The following POLR1A variants were observed in gnomAD, a reference collection of about 807,000 sequenced individuals.
The protein encoded by POLR1A is DNA-directed RNA polymerase I subunit RPA1.
POLR1A carries 84 observed loss-of-function variants against 205.3 expected under a neutral mutation model. The observed-to-expected ratio is 0.41, with a 90% CI of 0.34 to 0.49. POLR1A has a LOEUF of 0.49. POLR1A is among the 20% of genes least tolerant of loss of function. The probability of loss-of-function intolerance (pLI) is 0.22; values close to 1 mark genes in which losing one functional copy is unlikely to be tolerated. For missense variants in POLR1A, 1,645 were observed against 2,204.5 expected, an observed-to-expected ratio of 0.75 and a Z score of 5.08; for synonymous variants, 799 against 863.7, an observed-to-expected ratio of 0.93 and a Z score of 1.31.
chr2:86,034,048 C>T (rs1294966415), intron 27 of POLR1A, among the ~76,000 whole-genome samples: 1 of 152,206 alleles, frequency 6.6e-6, no homozygotes, highest in Non-Finnish European at 1.5e-5. Context: ...GGACAGGCAG[C>T]TTCCTCAGCT....
At chr2:86,090,309 C>T (rs1038025844) in intron 3 of POLR1A, among the ~76,000 whole-genome samples, 3 of 147,338 alleles carry the variant, frequency 2.0e-5, no homozygotes, top group Non-Finnish European at 4.5e-5. Context: ...GTGAGGAGAT[C>T]GCTGGGAGGG....
intron 27 of POLR1A, among the ~76,000 whole-genome samples, chr2:86,035,698 G>A (rs558079156): frequency 2.6e-5 from 4 of 152,288 alleles, no homozygotes; most frequent in Admixed American, 1.3e-4. Context: ...TTGCTTGAGC[G>A]GCTCACTCTG....
rs1558777042 is a variant in POLR1A, at chr2:86,071,227, C to CGTGTGCGCGCGCGCGT, written c.1612-956_1612-955insACGCGCGCGCGCACAC. ...CCCAGCTTCTCTCTCTCTCCGTGTG[C>CGTGTGCGCGCGCGCGT]ATGTGTGTGTGTGTGTGTGTGTGTG... On this transcript the variant is annotated intron_variant, in intron 12 of 33. Transcript: ENST00000263857. Among the ~76,000 whole-genome samples, 15 of 147,356 alleles carry CGTGTGCGCGCGCGCGT rather than the reference C, an allele frequency of 1.0e-4. No individual in the cohort carries two copies. In the East Asian group the frequency reaches 2.5e-3, roughly 24 times the overall value.
In POLR1A at chr2:86,065,506, A is replaced by C. The variant is rs1404223629; in HGVS notation, c.1867-41T>G. 7 of 1,570,294 alleles carry C rather than the reference A, an allele frequency of 4.5e-6. No individual in the cohort carries two copies. The South Asian group carries it at 8.0e-5, about 18-fold the overall frequency. ...GACAACACAAGAAGAATGAAAATAAATCTTAAGTCAAACTCTAATCCCTAA... is the reference window on the plus strand; with the variant it reads ...GACAACACAAGAAGAATGAAAATAACTCTTAAGTCAAACTCTAATCCCTAA... On this transcript the variant is annotated intron_variant, in intron 13 of 33. Transcript: ENST00000263857.
chr2:86,049,220 C>A lies in POLR1A; in HGVS notation c.2415G>T (p.Lys805Asn). Residue 805 changes from lysine to asparagine, a missense_variant, in exon 17 of 34, where the codon AAG (lysine) becomes AAT (asparagine). By Grantham distance (94) the Lys-to-Asn change is moderately conservative. Around this residue, in one of 16 missense-constraint regions of POLR1A, gnomAD observed 339 missense variants for 415.1 expected, o/e 0.82. Coordinates refer to ENST00000263857, the MANE Select transcript of POLR1A (RefSeq NM_015425.6). ...GTTGCCTCTTGACATCTGCCTTTGG[C>A]TTCACCAAAATGTCTTCCACGCCTG... Reference protein sequence around the residue: ...FTLGVEDILVKPKADVKRQRI... With the variant: ...FTLGVEDILVNPKADVKRQRI... 1 of 1,613,966 alleles carries A rather than the reference C, an allele frequency of 6.2e-7. No individual in the cohort carries two copies.
In POLR1A at chr2:86,049,153, TC is replaced by T. The variant is rs749675467; in HGVS notation, c.2475+6del. On this transcript the variant is annotated splice_donor_region_variant and intron_variant, in intron 17 of 33. Transcript: ENST00000263857. Reference sequence around the variant, plus strand: ...GGGCAGGCCACGGCCTCGAAGTCCCTCCTTACCTGGGGCCCGCAGTGGGTGG... The same window carrying T: ...GGGCAGGCCACGGCCTCGAAGTCCCTCTTACCTGGGGCCCGCAGTGGGTGG... The T allele has an allele frequency of 6.2e-7, 1 of 1,612,804 alleles. No homozygotes were observed. Among genetic ancestry groups the T allele is most frequent in the Non-Finnish European group, 8.5e-7 (1 of 1,178,780 alleles).
chr2:86,072,325 G>A lies in POLR1A; in HGVS notation c.1612-2053C>T, dbSNP rs80282711. On this transcript the variant is annotated intron_variant, in intron 12 of 33. Transcript: ENST00000263857. ...AGGGCACTGGCTGCTGTCTGACTGC[G>A]TCATACAAGCTGAGGTCTTCTTGCT... Among the ~76,000 whole-genome samples the A allele has an allele frequency of 5.1e-4, 78 of 152,312 alleles. 2 individuals are homozygous for A. In the East Asian group the frequency reaches 0.014, roughly 27 times the overall value.
At chr2:86,041,709 T>C (rs1209134131) in intron 24 of POLR1A, among the ~76,000 whole-genome samples, 180 bp downstream of exon 24, 1 of 152,208 alleles carries the variant, frequency 6.6e-6, no homozygotes, top group Non-Finnish European at 1.5e-5. Context: ...CTTGCACTTG[T>C]TCACTCCTGG....
chr2:86,073,413 C>T (rs753238130), intron 12 of POLR1A, among the ~76,000 whole-genome samples: 5 of 152,152 alleles, frequency 3.3e-5, no homozygotes, highest in Non-Finnish European at 7.3e-5. Context: ...GAAATATTTA[C>T]TATCTGACCC....
rs1383658473 is a variant in POLR1A, at chr2:86,100,113, G to A, written c.137C>T (p.Ser46Leu). ...AGCTAAATCGTACAGGCCGTTTGCC[G>A]ATGGGTTCCCCAGGCTGTCCAGGTA... ...PRYLDSLGNPSANGLYDLALG... is the reference protein window; with the variant it reads ...PRYLDSLGNPLANGLYDLALG... Residue 46 changes from serine (S) to leucine (L), a missense_variant, in exon 2 of 34, where the codon TCG becomes TTG. Transcript: ENST00000263857. 3.1e-6 allele frequency: 5 copies of A among 1,614,010 alleles called. No individual in the cohort carries two copies. The highest frequency in any genetic ancestry group is 2.2e-5 in the East Asian group (1 of 44,882).
chr2:86,039,020 G>T (rs1672550517), intron 26 of POLR1A, 163 bp from the exon 27 acceptor site: 2 of 686,902 alleles, frequency 2.9e-6, no homozygotes, highest in Non-Finnish European at 4.9e-6. Flanking sequence ...ATCTGCTGGG[G>T]GGCCCACAGC....
At chr2:86,066,161 G>A (rs1356651586) in intron 13 of POLR1A, among the ~76,000 whole-genome samples, 1 of 152,190 alleles carries the variant, frequency 6.6e-6, no homozygotes, top group African/African-American at 2.4e-5. Context: ...AGGCCTGAGG[G>A]GTGAGCTGGC....
chr2:86,086,973 T>C (rs1673513995), intron 6 of POLR1A, among the ~76,000 whole-genome samples: 2 of 152,118 alleles, frequency 1.3e-5, no homozygotes, highest in Admixed American at 1.3e-4. Flanking sequence ...TGAAACAAAA[T>C]TAAAAAGGCT....
chr2:86,093,840 A>T (rs891965140), intron 3 of POLR1A, among the ~76,000 whole-genome samples: 9 of 152,260 alleles, frequency 5.9e-5, no homozygotes, highest in Middle Eastern at 3.4e-3. Context: ...AAATAATACT[A>T]ATGTCCTTTA....
intron 3 of POLR1A, among the ~76,000 whole-genome samples, chr2:86,094,134 A>AC (rs2104432605): frequency 6.6e-6 from 1 of 152,334 alleles, no homozygotes; most frequent in Non-Finnish European, 1.5e-5. Context: ...GCCAGGCAAG[A>AC]AGTCTTTTCC....
At position 86,077,955 on chromosome 2, in the gene POLR1A, G is replaced by T. The variant is rs1200182877; in HGVS notation, c.1284C>A (p.Phe428Leu). ...RQILEKKEGL[F>L]RKHMMGKRVD... ...CTCGCTTTCCCATCATGTGTTTTCG[G>T]AACAGGCCTTCTTTCTTCTCCAGGA... is the stretch of plus-strand genomic sequence containing the variant. The change falls in exon 11 of 34, where the codon TTC (phenylalanine) becomes TTA (leucine). Residue 428 changes from phenylalanine (F) to leucine (L), a missense_variant. Around this residue, in one of 16 missense-constraint regions of POLR1A, gnomAD observed 131 missense variants for 214.5 expected, o/e 0.61. Transcript: ENST00000263857. The T allele has an allele frequency of 6.2e-7, 1 of 1,614,042 alleles. No homozygotes were observed. The highest frequency in any genetic ancestry group is 8.5e-7 in the Non-Finnish European group (1 of 1,180,000).
chr2:86,046,669 C>A (rs1165907035), intron 19 of POLR1A, among the ~76,000 whole-genome samples: 1 of 151,956 alleles, frequency 6.6e-6, no homozygotes, highest in African/African-American at 2.4e-5. Flanking sequence ...CATGGTGAAA[C>A]CCCGTCTCTA....
chr2:86,096,590 A>G (rs532324042), intron 3 of POLR1A, among the ~76,000 whole-genome samples: 1 of 152,360 alleles, frequency 6.6e-6, no homozygotes, highest in Non-Finnish European at 1.5e-5. Flanking sequence ...ACAAAGGCCA[A>G]TGAAAACAGG....
chr2:86,046,245 T>C (rs1434948372), intron 19 of POLR1A, among the ~76,000 whole-genome samples: 2 of 152,078 alleles, frequency 1.3e-5, no homozygotes, highest in Admixed American at 1.3e-4. Flanking sequence ...CCCTGGGCAA[T>C]ACAGGGAGAC....
Sources: gnomAD v4.1 joint callset for allele counts (sites outside exome capture counted in the v4.1 genomes callset) on GRCh38, gnomAD v4.1.1 for gene constraint, gnomAD v4.1.1 regional missense constraint, MANE v1.5 for transcripts, NCBI Gene and HGNC (gene_info 2026-07-23, HGNC 2026-07-21) for gene names.